METTL21A: variants seen among roughly 807,000 people sequenced by gnomAD.
The protein encoded by METTL21A is methyltransferase 21A, HSPA lysine.
METTL21A carries 22 observed loss-of-function variants against 20.9 expected under a neutral mutation model. The observed-to-expected ratio is 1.05, with a 90% CI of 0.75 to 1.50. The LOEUF (loss-of-function observed/expected upper bound fraction) is 1.50, where lower values mean the gene tolerates loss of function less well. METTL21A is among the 40% of genes most tolerant of loss of function. METTL21A has a pLI of 0.00. For missense variants in METTL21A, 271 were observed against 266.8 expected, an observed-to-expected ratio of 1.02 and a Z score of -0.11; for synonymous variants, 93 against 102.0, an observed-to-expected ratio of 0.91 and a Z score of 0.53.
chr2:207,602,523 G>T (rs978281482), intron 3 of METTL21A: 1 of 209,244 alleles, frequency 4.8e-6, no homozygotes, highest in Non-Finnish European at 9.7e-6. Context: ...CCAAGCTTTT[G>T]TCTGAGGAGC....
chr2:207,601,181 G>T (rs1423225333), intron 3 of METTL21A: 1 of 185,270 alleles, frequency 5.4e-6, no homozygotes, highest in African/African-American at 2.3e-5. Context: ...TTCCCTCATG[G>T]ACCCAATAGA....
At chr2:207,605,511 T>C (rs1292496231), downstream of METTL21A, among the ~76,000 whole-genome samples, 1 of 152,180 alleles carries the variant, frequency 6.6e-6, no homozygotes, top group African/African-American at 2.4e-5. Context: ...TTACTTTATG[T>C]AATATGTACA....
chr2:207,589,945 C>T (rs899483723), intron 3 of METTL21A, among the ~76,000 whole-genome samples: 1 of 152,024 alleles, frequency 6.6e-6, no homozygotes, highest in African/African-American at 2.4e-5. Context: ...TAATGCTGAC[C>T]TTATAAATGA....
chr2:207,583,754 TCAC>T (rs2083342911), intron 3 of METTL21A, among the ~76,000 whole-genome samples: 1 of 152,206 alleles, frequency 6.6e-6, no homozygotes. Flanking sequence ...CATGTATCTG[TCAC>T]CACAATGCCA....
chr2:207,613,414 C>T (rs778746116), exon 4 of METTL21A: 4 of 1,602,396 alleles, frequency 2.5e-6, no homozygotes, highest in South Asian at 1.1e-5. Context: ...TCTAATGCTA[C>T]TTTTCGATCC....
chr2:207,593,881 G>A (rs899488697), intron 3 of METTL21A, among the ~76,000 whole-genome samples: 5 of 151,984 alleles, frequency 3.3e-5, no homozygotes, highest in African/African-American at 1.2e-4. Context: ...ACCATCCCCA[G>A]CTAATTTTTG....
At chr2:207,603,786 CTG>C (rs1481315278) in intron 3 of METTL21A, among the ~76,000 whole-genome samples, 4 of 152,042 alleles carry the variant, frequency 2.6e-5, no homozygotes, top group Admixed American at 1.3e-4. Context: ...TTCTAAAACT[CTG>C]TGATCATATA....
chr2:207,622,942 CTG>C (rs2107326912), intron 2 of METTL21A, among the ~76,000 whole-genome samples: 1 of 150,540 alleles, frequency 6.6e-6, no homozygotes, highest in East Asian at 1.9e-4. Flanking sequence ...TAGTCTCACT[CTG>C]TCACCCAGGA....
intron 3 of METTL21A, among the ~76,000 whole-genome samples, chr2:207,619,107 A>C (rs2090159274): frequency 6.6e-6 from 1 of 151,868 alleles, no homozygotes; most frequent in South Asian, 2.1e-4. Flanking sequence ...GGAACTACTC[A>C]GGAATTAGCA....
chr2:207,618,281 G>A (rs933729838), intron 3 of METTL21A, among the ~76,000 whole-genome samples: 2 of 152,154 alleles, frequency 1.3e-5, no homozygotes, highest in Admixed American at 6.5e-5. Flanking sequence ...CCTCTTATCT[G>A]CAAGGGATAT....
exon 3 of METTL21A, chr2:207,621,868 C>A: frequency 6.2e-7 from 1 of 1,614,192 alleles, no homozygotes; most frequent in Non-Finnish European, 8.5e-7. Context: ...GGCAGAGCGG[C>A]CCCTGAGCTC....
chr2:207,612,988 G>T, exon 4 of METTL21A: 1 of 1,450,038 alleles, frequency 6.9e-7, no homozygotes, highest in Non-Finnish European at 9.3e-7. Context: ...GGTTAGATTT[G>T]CAGTCTAAGA....
intron 2 of METTL21A, among the ~76,000 whole-genome samples, chr2:207,623,759 G>A (rs1169287342): frequency 6.6e-6 from 1 of 152,134 alleles, no homozygotes; most frequent in East Asian, 1.9e-4. Context: ...AGGCTGAGGT[G>A]GGAGAATCAC....
chr2:207,586,928 T>TG (rs564397050), intron 3 of METTL21A, among the ~76,000 whole-genome samples: 1 of 152,150 alleles, frequency 6.6e-6, no homozygotes, highest in Non-Finnish European at 1.5e-5. Flanking sequence ...TTCCTCTTTG[T>TG]GTTAGGAAGT....
intron 3 of METTL21A, among the ~76,000 whole-genome samples, chr2:207,595,498 G>A (rs559496582): frequency 6.6e-6 from 1 of 151,748 alleles, no homozygotes; most frequent in South Asian, 2.1e-4. Flanking sequence ...ATGGCTCACT[G>A]CAGCCTCGAC....
chr2:207,592,411 T>TA (rs1559076150), intron 3 of METTL21A, among the ~76,000 whole-genome samples: 3 of 149,790 alleles, frequency 2.0e-5, no homozygotes, highest in African/African-American at 7.4e-5. Context: ...TCTCAAAAAA[T>TA]AAAAAAAGAT....
downstream of METTL21A, among the ~76,000 whole-genome samples, chr2:207,604,282 A>G (rs934614273): frequency 1.3e-5 from 2 of 152,194 alleles, no homozygotes; most frequent in Non-Finnish European, 2.9e-5. Flanking sequence ...TCGCCACTGA[A>G]GACTTAACAT....
intron 1 of METTL21A, 33 bp from the exon 2 acceptor site, chr2:207,624,437 G>C: frequency 1.3e-6 from 2 of 1,540,978 alleles, no homozygotes; most frequent in South Asian, 1.2e-5. Flanking sequence ...GTGACGCTCT[G>C]GCCAAAAGAT....
At chr2:207,605,022 G>A (rs181529395), downstream of METTL21A, among the ~76,000 whole-genome samples, 1 of 152,230 alleles carries the variant, frequency 6.6e-6, no homozygotes, top group East Asian at 1.9e-4. Context: ...TGTTCATAGT[G>A]CTGTTATGAA....
Sources: gnomAD v4.1 joint callset for allele counts (sites outside exome capture counted in the v4.1 genomes callset) on GRCh38, gnomAD v4.1.1 for gene constraint, MANE v1.5 for transcripts, NCBI Gene and HGNC (gene_info 2026-07-23, HGNC 2026-07-21) for gene names.